Variants in ADGRL2 observed in about 807,000 individuals in gnomAD.
ADGRL2 encodes the protein calcium-independent alpha-latrotoxin receptor 2.
Under a neutral mutation model 157.4 loss-of-function variants are expected in ADGRL2, and 44 were observed. The ratio of observed to expected loss-of-function variants is 0.28; its 90% CI spans 0.22 to 0.36. The LOEUF is 0.36. Ranked by LOEUF, ADGRL2 falls within the 10% of genes least tolerant of loss-of-function variation. The pLI, the probability that ADGRL2 is intolerant of heterozygous loss-of-function variation, is 1.00. For missense variants in ADGRL2, 1,510 were observed against 1,768.9 expected (o/e 0.85, Z 2.63); for synonymous variants, 585 against 624.7 (o/e 0.94, Z 0.95).
At chr1:81,764,053 TTGG>T (rs1363069996) in intron 2 of ADGRL2, among the ~76,000 whole-genome samples, 2 of 148,206 alleles carry the variant, frequency 1.3e-5, no homozygotes, top group East Asian at 4.1e-4. Context: ...TTAGCCAGGC[TTGG>T]TGGCACACGC....
chr1:81,969,083 A>G (rs887066764), intron 14 of ADGRL2, 95 bp from the exon 15 acceptor site: 2 of 852,804 alleles, frequency 2.3e-6, no homozygotes, highest in East Asian at 4.8e-5. Context: ...CAAAGAGTTC[A>G]GTAGTAAAAG....
intron 1 of ADGRL2, among the ~76,000 whole-genome samples, chr1:81,322,125 C>CACATATATATAT (rs60155078): frequency 0.095 from 10,715 of 112,646 alleles, 712 homozygotes; most frequent in South Asian, 0.12. Context: ...TATATATATA[C>CACATATATATAT]ACACACACAC....
chr1:81,650,352 A>T (rs1331904238), intron 3 of ADGRL2, among the ~76,000 whole-genome samples: 3 of 152,050 alleles, frequency 2.0e-5, no homozygotes, highest in African/African-American at 7.2e-5. Context: ...CAGGAGGATC[A>T]CAAGGTCAAG....
intron 1 of ADGRL2, among the ~76,000 whole-genome samples, chr1:81,811,385 A>G (rs900993530): frequency 6.6e-6 from 1 of 151,788 alleles, no homozygotes; most frequent in Non-Finnish European, 1.5e-5. Context: ...CAGTATTTAC[A>G]TGTTATCAAG....
rs144147900 is a variant in ADGRL2, at chr1:81,634,560, A to C, written c.-143+53580A>C. ...GTTTGTTTGTTTGTTTTTGAGATGG[A>C]GTCTCGCTCTGTCACCCAGGCTGGA... On this transcript the variant is annotated intron_variant, in intron 3 of 24. Coordinates refer to the ADGRL2 transcript ENST00000370721. Among the ~76,000 whole-genome samples, 680 of 146,262 alleles carry C rather than the reference A, an allele frequency of 4.6e-3. 6 individuals are homozygous for C. Among genetic ancestry groups the C allele is most frequent in the East Asian group, 0.04 (200 of 4,970 alleles).
chr1:81,978,569 G>T (rs1660811181), intron 17 of ADGRL2, among the ~76,000 whole-genome samples: 1 of 151,676 alleles, frequency 6.6e-6, no homozygotes, highest in Non-Finnish European at 1.5e-5. Context: ...AAATCATAGG[G>T]CACAGTGGAC....
At position 81,801,136 on chromosome 1, in the gene ADGRL2, A is replaced by G. The variant is rs892609821; in HGVS notation, c.-101+68A>G. On this transcript the variant is annotated intron_variant, in intron 1 of 23. Transcript: ENST00000686636. ...ACAGCCGCAGCAGCTGCTCAAATGG[A>G]GTGGAAAACGGCCATTGGGCGACAA... is the stretch of plus-strand genomic sequence containing the variant. Among the ~76,000 whole-genome samples the G allele has an allele frequency of 2.6e-5, 4 of 152,026 alleles. 1 individual carries two copies. Among genetic ancestry groups the G allele is most frequent in the Non-Finnish European group, 5.9e-5 (4 of 67,986 alleles).
chr1:81,583,188 T>TA (rs891445727), intron 3 of ADGRL2, among the ~76,000 whole-genome samples: 13 of 152,106 alleles, frequency 8.5e-5, no homozygotes, highest in Admixed American at 3.3e-4. Flanking sequence ...TACTATTCTC[T>TA]AAAAAAACCA....
intron 1 of ADGRL2, among the ~76,000 whole-genome samples, chr1:81,334,537 G>T (rs1661500257): frequency 6.6e-6 from 1 of 152,080 alleles, no homozygotes; most frequent in Admixed American, 6.6e-5. Flanking sequence ...TTACAGTTAT[G>T]ATTTTCTAGG....
chr1:81,649,134 C>T (rs1434951079), intron 3 of ADGRL2, among the ~76,000 whole-genome samples: 1 of 152,182 alleles, frequency 6.6e-6, no homozygotes, highest in Non-Finnish European at 1.5e-5. Flanking sequence ...CTTCTTCCCT[C>T]TTCTGGAATA....
At chr1:81,612,416 C>G (rs2148673604) in intron 3 of ADGRL2, among the ~76,000 whole-genome samples, 1 of 152,170 alleles carries the variant, frequency 6.6e-6, no homozygotes, top group Non-Finnish European at 1.5e-5. Flanking sequence ...TAGCAAAAGC[C>G]AAGATAAGAG....
At position 81,452,272 on chromosome 1, in the gene ADGRL2, G is replaced by T. The variant is rs543070407; in HGVS notation, c.-248+7183G>T. ...CTTCCACCTATTAAAAATAATGTTT[G>T]ATTATTCCGCCCAGGTTTAGACATT... On this transcript the variant is annotated intron_variant, in intron 2 of 24. Coordinates refer to the ADGRL2 transcript ENST00000370721. Among the ~76,000 whole-genome samples the T allele has an allele frequency of 4.8e-4, 73 of 152,194 alleles. No individual in the cohort carries two copies. The South Asian group carries it at 0.015, about 32-fold the overall frequency.
At position 81,840,192 on chromosome 1, in the gene ADGRL2, A is replaced by G. The variant is rs181875948; in HGVS notation, c.73+3135A>G. On this transcript the variant is annotated intron_variant, in intron 2 of 23. Transcript: ENST00000686636. ...GCTTGTCAGAGGACCTGTGATTACC[A>G]TTCCAGTATTTAGCTTGGTTTTTCC... 1.5e-4 allele frequency among the ~76,000 whole-genome samples: 23 copies of G among 152,118 alleles called. No homozygotes were observed. In the East Asian group the frequency reaches 4.5e-3, roughly 29 times the overall value.
chr1:81,583,453 A>G (rs563425834), intron 3 of ADGRL2, among the ~76,000 whole-genome samples: 52 of 152,082 alleles, frequency 3.4e-4, no homozygotes, highest in Middle Eastern at 3.4e-3. Context: ...AATTTTCCCT[A>G]GAAGGTTCAC....
rs866223450 is a variant in ADGRL2, at chr1:81,984,704, G to C, written c.3404G>C (p.Gly1135Ala). ...TTRTSARYSS[G>A]TQSRIRRMWN... ...AGAACCAGTGCTCGCTATTCCTCTGGCACACAGGTAACAAAGAGTTTGACA... is the reference window on the plus strand; with the variant it reads ...AGAACCAGTGCTCGCTATTCCTCTGCCACACAGGTAACAAAGAGTTTGACA... Residue 1135 changes from glycine (G) to alanine (A), a missense_variant, in exon 20 of 24, where the codon GGC (glycine) becomes GCC (alanine). Physicochemically the swap from Gly to Ala is moderately conservative, Grantham distance 60 (BLOSUM62 0). This residue lies in a region of ADGRL2 where 497 missense variants were observed against 627.2 expected (regional missense o/e 0.79). Transcript: ENST00000686636. The C allele has an allele frequency of 1.6e-5, 26 of 1,612,196 alleles. No individual in the cohort carries two copies. The Middle Eastern group carries it at 2.3e-3, about 143-fold the overall frequency.
At chr1:81,737,557 T>C (rs1211271908) in intron 1 of ADGRL2, among the ~76,000 whole-genome samples, 1 of 152,174 alleles carries the variant, frequency 6.6e-6, no homozygotes, top group Non-Finnish European at 1.5e-5. Context: ...GAGCCAACCA[T>C]ATCTAGTCAT....
intron 2 of ADGRL2, among the ~76,000 whole-genome samples, chr1:81,486,416 A>C (rs1272336872): frequency 1.3e-5 from 2 of 152,182 alleles, no homozygotes; most frequent in African/African-American, 4.8e-5. Context: ...TCCAAAAGAG[A>C]ATAGCAAAGC....
chr1:81,435,854 T>G (rs6680935), intron 1 of ADGRL2, among the ~76,000 whole-genome samples: 2,715 of 152,238 alleles, frequency 0.018, 56 homozygotes, highest in African/African-American at 0.05. Context: ...CCCAGCACTT[T>G]GGGAGTCTGA....
chr1:81,519,274 G>A (rs1277459160), intron 2 of ADGRL2, among the ~76,000 whole-genome samples: 1 of 152,128 alleles, frequency 6.6e-6, no homozygotes, highest in Admixed American at 6.5e-5. Flanking sequence ...ATTCCCAAAA[G>A]CTGAGTCTAC....
Sources: gnomAD v4.1 joint callset for allele counts (sites outside exome capture counted in the v4.1 genomes callset) on GRCh38, gnomAD v4.1.1 for gene constraint, gnomAD v4.1.1 regional missense constraint, MANE v1.5 for transcripts, NCBI Gene and HGNC (gene_info 2026-07-23, HGNC 2026-07-21) for gene names.